The following ADAMTS3 variants were observed in gnomAD, a reference collection of about 807,000 sequenced individuals.
ADAMTS3 encodes ADAM metallopeptidase with thrombospondin type 1 motif 3, also known as A disintegrin and metalloproteinase with thrombospondin motifs 3.
Under a neutral mutation model 129.0 loss-of-function variants are expected in ADAMTS3, and 73 were observed. That is an observed-to-expected ratio of 0.57 (90% CI 0.47 to 0.69). The LOEUF is 0.69. Ranked by LOEUF, ADAMTS3 falls within the 30% of genes least tolerant of loss-of-function variation. The pLI is 0.00. For missense variants in ADAMTS3, 1,457 were observed against 1,514.5 expected (o/e 0.96, Z 0.63); for synonymous variants, 477 against 510.8 (o/e 0.93, Z 0.89).
chr4:72,549,970 A>G (rs1229318372), intron 2 of ADAMTS3, among the ~76,000 whole-genome samples: 5 of 29,228 alleles, frequency 1.7e-4, no homozygotes, highest in Middle Eastern at 0.013. Flanking sequence ...AAAAAGAAGA[A>G]GAAGAAGAAG....
chr4:72,556,791 C>T (rs943083996), intron 2 of ADAMTS3, among the ~76,000 whole-genome samples: 2 of 151,694 alleles, frequency 1.3e-5, no homozygotes, highest in African/African-American at 4.9e-5. Flanking sequence ...AGGACTTGGT[C>T]CATCTAATAA....
intron 4 of ADAMTS3, among the ~76,000 whole-genome samples, chr4:72,366,339 A>G (rs1233194516): frequency 6.6e-6 from 1 of 152,164 alleles, no homozygotes; most frequent in Non-Finnish European, 1.5e-5. Context: ...TTATCTCGCT[A>G]TTCACTATTG....
intron 3 of ADAMTS3, among the ~76,000 whole-genome samples, chr4:72,541,960 T>C (rs1488053963): frequency 3.3e-5 from 5 of 152,218 alleles, no homozygotes; most frequent in Admixed American, 6.5e-5. Flanking sequence ...GACTCAAATT[T>C]AATCATAGTT....
At chr4:72,488,788 C>T (rs1272476447) in intron 3 of ADAMTS3, among the ~76,000 whole-genome samples, 2 of 151,608 alleles carry the variant, frequency 1.3e-5, no homozygotes, top group Admixed American at 6.6e-5. Flanking sequence ...TCTTTATTTT[C>T]GTGGTGAGAA....
At chr4:72,399,147 T>C (rs75681945) in intron 4 of ADAMTS3, among the ~76,000 whole-genome samples, 1 of 152,200 alleles carries the variant, frequency 6.6e-6, no homozygotes, top group African/African-American at 2.4e-5. Context: ...GTTTAAGTTA[T>C]TTTTCTGGCC....
chr4:72,511,185 G>T (rs530077341), intron 3 of ADAMTS3, among the ~76,000 whole-genome samples: 1 of 152,008 alleles, frequency 6.6e-6, no homozygotes, highest in East Asian at 1.9e-4. Context: ...TACAAGGAAA[G>T]ATTGGAGAAA....
At chr4:72,449,917 G>T (rs1254658330) in intron 3 of ADAMTS3, among the ~76,000 whole-genome samples, 5 of 151,384 alleles carry the variant, frequency 3.3e-5, no homozygotes. Flanking sequence ...TTCTAAGAAT[G>T]CCTTAGTCAC....
At chr4:72,518,966 C>T (rs1085963) in intron 3 of ADAMTS3, among the ~76,000 whole-genome samples, 48,981 of 151,486 alleles carry the variant, frequency 0.32, 8,407 homozygotes, top group East Asian at 0.44. Flanking sequence ...GATTTTGCAG[C>T]GGCTGGTACC....
chr4:72,438,774 T>C (rs1718035470), intron 3 of ADAMTS3, among the ~76,000 whole-genome samples: 1 of 151,736 alleles, frequency 6.6e-6, no homozygotes, highest in African/African-American at 2.4e-5. Context: ...CTAGTTTTAG[T>C]CTCAAGTTCT....
At chr4:72,377,769 T>C (rs1265395915) in intron 4 of ADAMTS3, among the ~76,000 whole-genome samples, 1 of 152,190 alleles carries the variant, frequency 6.6e-6, no homozygotes, top group African/African-American at 2.4e-5. Flanking sequence ...CTTTATACTT[T>C]GGAGCTGGGT....
At chr4:72,479,828 G>C (rs1230642073) in intron 3 of ADAMTS3, among the ~76,000 whole-genome samples, 1 of 152,116 alleles carries the variant, frequency 6.6e-6, no homozygotes, top group African/African-American at 2.4e-5. Flanking sequence ...AATCTACAAT[G>C]AACTCAAACA....
At chr4:72,417,607 T>C (rs925635651) in intron 3 of ADAMTS3, among the ~76,000 whole-genome samples, 2 of 152,062 alleles carry the variant, frequency 1.3e-5, no homozygotes, top group African/African-American at 4.8e-5. Context: ...CCCTTTTATT[T>C]ATTAATTTAA....
intron 4 of ADAMTS3, among the ~76,000 whole-genome samples, chr4:72,342,459 G>A (rs565958511): frequency 1.3e-5 from 2 of 150,202 alleles, no homozygotes; most frequent in South Asian, 2.1e-4. Context: ...TGCCTCCCCG[G>A]TTCAAGTGAT....
chr4:72,298,498 G>T, intron 17 of ADAMTS3, 56 bp from the exon 18 acceptor site: 2 of 1,336,448 alleles, frequency 1.5e-6, no homozygotes, highest in Non-Finnish European at 2.0e-6. Flanking sequence ...AATTTTGAGT[G>T]TAAAATTACA....
intron 4 of ADAMTS3, among the ~76,000 whole-genome samples, chr4:72,375,011 A>C (rs1721102927): frequency 6.6e-6 from 1 of 152,154 alleles, no homozygotes; most frequent in African/African-American, 2.4e-5. Flanking sequence ...ACATGATGGG[A>C]GATCACTTTA....
intron 3 of ADAMTS3, among the ~76,000 whole-genome samples, chr4:72,511,391 T>A (rs1455124437): frequency 6.6e-6 from 1 of 152,048 alleles, no homozygotes; most frequent in African/African-American, 2.4e-5. Context: ...CTAGAATATA[T>A]GAGGAGCTCA....
intron 3 of ADAMTS3, among the ~76,000 whole-genome samples, chr4:72,436,369 A>T (rs1717926342): frequency 1.3e-5 from 2 of 152,120 alleles, no homozygotes; most frequent in Admixed American, 1.3e-4. Flanking sequence ...GGTGCTGGAG[A>T]GGATGTGGAG....
intron 2 of ADAMTS3, among the ~76,000 whole-genome samples, chr4:72,565,955 G>C (rs2109811077): frequency 6.6e-6 from 1 of 152,218 alleles, no homozygotes; most frequent in Non-Finnish European, 1.5e-5. Context: ...ATATTGAAAA[G>C]TTGGGACGTG....
At chr4:72,432,902 T>C (rs1006236180) in intron 3 of ADAMTS3, among the ~76,000 whole-genome samples, 2 of 151,936 alleles carry the variant, frequency 1.3e-5, no homozygotes, top group Non-Finnish European at 2.9e-5. Flanking sequence ...AAAAAAGTAA[T>C]GAGATCCAAT....
Sources: allele counts gnomAD v4.1 joint callset (sites outside exome capture counted in the v4.1 genomes callset), GRCh38; gene constraint gnomAD v4.1.1; transcripts MANE v1.5; gene names NCBI Gene and HGNC (gene_info 2026-07-23, HGNC 2026-07-21).